The following TEX9 variants were observed in gnomAD, a reference collection of about 807,000 sequenced individuals.
TEX9 encodes testis expressed 9.
A neutral mutation model predicts 59.6 loss-of-function variants in TEX9; 74 were observed. That is an observed-to-expected ratio of 1.24 (90% CI 1.03 to 1.51). The LOEUF is 1.51. Ranked by LOEUF, TEX9 falls within the 40% of genes most tolerant of loss-of-function variation. The pLI, the probability that TEX9 is intolerant of heterozygous loss-of-function variation, is 0.00. For synonymous variants in TEX9, 186 were observed against 152.2 expected (o/e 1.22, Z -1.64); for missense variants, 522 against 447.8 (o/e 1.17, Z -1.49).
chr15:56,415,001 CT>C (rs200499067), intron 10 of TEX9, among the ~76,000 whole-genome samples: 6,713 of 151,504 alleles, frequency 0.044, 237 homozygotes, highest in Admixed American at 0.088. Flanking sequence ...TGATATTGAG[CT>C]TTTTTTTCAT....
intron 9 of TEX9, among the ~76,000 whole-genome samples, chr15:56,402,814 A>C (rs1003149430): frequency 5.3e-5 from 8 of 152,334 alleles, no homozygotes; most frequent in Non-Finnish European, 1.2e-4. Flanking sequence ...CCCTGGTTGA[A>C]CAAGGCTGGT....
At chr15:56,345,941 G>A (rs1271571325) in intron 1 of TEX9, among the ~76,000 whole-genome samples, 2 of 152,140 alleles carry the variant, frequency 1.3e-5, no homozygotes, top group African/African-American at 4.8e-5. Flanking sequence ...ATATGAAAGC[G>A]TTCATAATAC....
intron 3 of TEX9, 42 bp from the exon 4 acceptor site, chr15:56,383,910 T>G (rs1231615820): frequency 1.3e-6 from 2 of 1,484,714 alleles, no homozygotes; most frequent in African/African-American, 1.4e-5. Flanking sequence ...ATGGTTTGGT[T>G]TTTTTTCTAT....
chr15:56,441,534 G>T (rs1175112037), intron 12 of TEX9, among the ~76,000 whole-genome samples: 1 of 152,068 alleles, frequency 6.6e-6, no homozygotes, highest in African/African-American at 2.4e-5. Context: ...AAAAGCAATT[G>T]TAACAAAAAC....
intron 1 of TEX9, among the ~76,000 whole-genome samples, chr15:56,244,586 C>A (rs1295729245): frequency 6.7e-6 from 1 of 148,672 alleles, no homozygotes; most frequent in Non-Finnish European, 1.5e-5. Flanking sequence ...CCCCACCCCA[C>A]CCCACCCCCT....
rs1438648895 is a variant in TEX9 at position 56,315,385 on chromosome 15, T to G, written c.-106-58056T>G. On this transcript the variant is annotated intron_variant, in intron 1 of 5. Transcript: ENST00000560827. ...TCTCAGCATTTGCTTGTCTGTAAAGTATTTTATTTCTCCTTCACTTATGAA... is the reference window on the plus strand; with the variant it reads ...TCTCAGCATTTGCTTGTCTGTAAAGGATTTTATTTCTCCTTCACTTATGAA... Among the ~76,000 whole-genome samples, 4 of 148,286 alleles carry G rather than the reference T, an allele frequency of 2.7e-5. 1 individual carries two copies. The Admixed American group carries it at 2.8e-4, about 10-fold the overall frequency.
intron 12 of TEX9, among the ~76,000 whole-genome samples, chr15:56,438,925 T>C (rs1446687468): frequency 1.3e-5 from 2 of 151,932 alleles, no homozygotes; most frequent in African/African-American, 2.4e-5. Flanking sequence ...TTCTTCAACA[T>C]AGCACTAGCC....
intron 1 of TEX9, among the ~76,000 whole-genome samples, chr15:56,249,783 C>A: frequency 2.2e-5 from 3 of 135,586 alleles, no homozygotes; most frequent in Admixed American, 7.6e-5. Flanking sequence ...AAAGAAGAAG[C>A]ATCTATGGGC....
chr15:56,263,873 C>T (rs898859759), intron 1 of TEX9, among the ~76,000 whole-genome samples: 2 of 151,548 alleles, frequency 1.3e-5, no homozygotes, highest in African/African-American at 4.9e-5. Context: ...GTTATTGTTT[C>T]TGCCATTTGT....
intron 12 of TEX9, among the ~76,000 whole-genome samples, chr15:56,441,996 G>A (rs957729255): frequency 6.6e-6 from 1 of 151,818 alleles, no homozygotes; most frequent in East Asian, 1.9e-4. Flanking sequence ...CTCCAACCTG[G>A]GCGACAGAGC....
intron 1 of TEX9, among the ~76,000 whole-genome samples, chr15:56,248,385 A>G (rs1243838964): frequency 6.6e-6 from 1 of 152,168 alleles, no homozygotes; most frequent in East Asian, 1.9e-4. Flanking sequence ...TAGCCTAACT[A>G]TTCAAATACT....
intron 10 of TEX9, among the ~76,000 whole-genome samples, chr15:56,426,626 T>TATACACACAC (rs1214988827): frequency 4.0e-4 from 19 of 47,176 alleles, no homozygotes; most frequent in African/African-American, 9.0e-4. Context: ...TATATATATA[T>TATACACACAC]ACACACACAC....
chr15:56,261,742 C>T (rs1364526807), intron 1 of TEX9, among the ~76,000 whole-genome samples: 1 of 151,870 alleles, frequency 6.6e-6, no homozygotes, highest in East Asian at 1.9e-4. Context: ...TTAACTGTAC[C>T]AGGTCATTGA....
chr15:56,451,889 T>C, the TEX9 span, among the ~76,000 whole-genome samples: 68 of 152,336 alleles, frequency 4.5e-4, no homozygotes, highest in African/African-American at 1.6e-3. Flanking sequence ...TTTTTTTTTA[T>C]TACTTACGTC....
At chr15:56,346,273 T>C (rs964602563) in intron 1 of TEX9, among the ~76,000 whole-genome samples, 1 of 152,110 alleles carries the variant, frequency 6.6e-6, no homozygotes, top group Non-Finnish European at 1.5e-5. Flanking sequence ...TGAGCTCAAG[T>C]ATGATTTGGG....
At chr15:56,361,921 C>A (rs535306071), upstream of TEX9, among the ~76,000 whole-genome samples, 1 of 146,700 alleles carries the variant, frequency 6.8e-6, no homozygotes, top group Admixed American at 6.6e-5. Flanking sequence ...CCTGGTGATA[C>A]TTCTAGCCTG....
intron 7 of TEX9, among the ~76,000 whole-genome samples, chr15:56,392,701 C>T (rs1302332425): frequency 6.6e-6 from 1 of 152,150 alleles, no homozygotes; most frequent in African/African-American, 2.4e-5. Context: ...ACTATATTTA[C>T]TGATCTAATC....
chr15:56,410,343 CTT>C (rs2049288088), intron 9 of TEX9, among the ~76,000 whole-genome samples: 1 of 152,088 alleles, frequency 6.6e-6, no homozygotes, highest in African/African-American at 2.4e-5. Flanking sequence ...ATGCCCCTCT[CTT>C]TTCTTACTCT....
chr15:56,307,642 G>A (rs749358464), intron 1 of TEX9, among the ~76,000 whole-genome samples: 14 of 152,148 alleles, frequency 9.2e-5, no homozygotes, highest in Non-Finnish European at 1.8e-4. Context: ...TGGTTTTAAT[G>A]TATTTGTGGA....
Sources: allele counts gnomAD v4.1 joint callset (sites outside exome capture counted in the v4.1 genomes callset), GRCh38; gene constraint gnomAD v4.1.1; transcripts MANE v1.5; gene names NCBI Gene and HGNC (gene_info 2026-07-23, HGNC 2026-07-21).